ATOSA: variants seen among roughly 807,000 people sequenced by gnomAD.
ATOSA encodes the protein atos homolog protein A.
chr15:52,601,308 C>A, the ATOSA span: 2 of 564,110 alleles, frequency 3.5e-6, no homozygotes, highest in Non-Finnish European at 6.3e-6. Flanking sequence ...TAAAATCATG[C>A]TGTTCATTAC....
the ATOSA span, among the ~76,000 whole-genome samples, chr15:52,655,216 T>C: frequency 1.3e-5 from 2 of 152,300 alleles, no homozygotes; most frequent in South Asian, 2.1e-4. Context: ...AAGGCAAATA[T>C]GGCATTACAC....
At chr15:52,592,685 A>T in the ATOSA span, among the ~76,000 whole-genome samples, 1 of 152,338 alleles carries the variant, frequency 6.6e-6, no homozygotes, top group South Asian at 2.1e-4. Flanking sequence ...CACACAAAAA[A>T]ATCTCATAAT....
At chr15:52,701,166 T>C in the ATOSA span, among the ~76,000 whole-genome samples, 1 of 152,054 alleles carries the variant, frequency 6.6e-6, no homozygotes, top group African/African-American at 2.4e-5. Context: ...TGAAATAGAA[T>C]AGAAAAAGAA....
chr15:52,670,353 C>G, the ATOSA span, among the ~76,000 whole-genome samples: 1 of 152,166 alleles, frequency 6.6e-6, no homozygotes, highest in Non-Finnish European at 1.5e-5. Context: ...TCTCAGTTTA[C>G]CTTTCCCACA....
At chr15:52,659,283 T>A in the ATOSA span, among the ~76,000 whole-genome samples, 3 of 152,260 alleles carry the variant, frequency 2.0e-5, no homozygotes, top group Non-Finnish European at 4.4e-5. Context: ...TGCTTGGTTA[T>A]ACTTGTTTCA....
At chr15:52,582,264 C>G in the ATOSA span, 1 of 1,600,868 alleles carries the variant, frequency 6.2e-7, no homozygotes. Context: ...AGGAGCCGTA[C>G]GTCTCTATGG....
the ATOSA span, among the ~76,000 whole-genome samples, chr15:52,629,119 T>TG: frequency 2.6e-5 from 4 of 152,238 alleles, no homozygotes; most frequent in African/African-American, 9.6e-5. Context: ...AGTCATTTTT[T>TG]GTGGAGTTAA....
At chr15:52,644,496 A>T in the ATOSA span, among the ~76,000 whole-genome samples, 271 of 152,300 alleles carry the variant, frequency 1.8e-3, 1 homozygote, top group East Asian at 0.025. Context: ...CTTTATGAGA[A>T]TTAAGACCAA....
the ATOSA span, chr15:52,593,719 A>G: frequency 3.9e-6 from 6 of 1,554,184 alleles, no homozygotes; most frequent in African/African-American, 6.8e-5. Context: ...GATCGAAACG[A>G]TAGTTCAAGA....
At chr15:52,663,760 T>C in the ATOSA span, among the ~76,000 whole-genome samples, 9 of 152,272 alleles carry the variant, frequency 5.9e-5, no homozygotes, top group South Asian at 1.7e-3. Flanking sequence ...GCTGGGACTA[T>C]AGGCATGCCT....
the ATOSA span, among the ~76,000 whole-genome samples, chr15:52,624,094 A>G: frequency 6.6e-6 from 1 of 152,150 alleles, no homozygotes; most frequent in Non-Finnish European, 1.5e-5. Flanking sequence ...GGTTCTTATT[A>G]TTTTATACCT....
the ATOSA span, among the ~76,000 whole-genome samples, chr15:52,601,490 A>AT: frequency 2.0e-5 from 3 of 149,212 alleles, no homozygotes; most frequent in African/African-American, 4.9e-5. Context: ...ATACTTCTCT[A>AT]TTTTTTTGGG....
the ATOSA span, chr15:52,651,943 T>C: frequency 1.3e-6 from 2 of 1,535,150 alleles, no homozygotes; most frequent in Non-Finnish European, 1.7e-6. Context: ...GCCTTCTGGC[T>C]ATCAATAGCT....
chr15:52,625,626 T>A, the ATOSA span, among the ~76,000 whole-genome samples: 1 of 152,038 alleles, frequency 6.6e-6, no homozygotes, highest in Admixed American at 6.6e-5. Context: ...CAAGTATCTC[T>A]GCTCTGCATC....
At chr15:52,626,498 G>A in the ATOSA span, among the ~76,000 whole-genome samples, 1 of 146,322 alleles carries the variant, frequency 6.8e-6, no homozygotes, top group Non-Finnish European at 1.5e-5. Context: ...GAAATAAGCA[G>A]CTTCTGTGGG....
chr15:52,613,267 G>A, the ATOSA span, among the ~76,000 whole-genome samples: 2 of 152,256 alleles, frequency 1.3e-5, no homozygotes, highest in African/African-American at 2.4e-5. Flanking sequence ...TCAGGAGGCT[G>A]AGACAGAAGA....
At chr15:52,636,870 A>G in the ATOSA span, among the ~76,000 whole-genome samples, 10 of 152,226 alleles carry the variant, frequency 6.6e-5, no homozygotes, top group Non-Finnish European at 1.2e-4. Context: ...AGTAACAGGA[A>G]TAAACTGGGG....
chr15:52,626,036 A>C, the ATOSA span, among the ~76,000 whole-genome samples: 20 of 152,356 alleles, frequency 1.3e-4, no homozygotes, highest in South Asian at 2.9e-3. Context: ...TGTAACTTTT[A>C]GAATGCTGCA....
chr15:52,675,301 A>G, the ATOSA span, among the ~76,000 whole-genome samples: 1 of 152,260 alleles, frequency 6.6e-6, no homozygotes, highest in East Asian at 1.9e-4. Context: ...ATTGGCTATC[A>G]GTTTGTTTTT....
Sources: allele counts gnomAD v4.1 joint callset (sites outside exome capture counted in the v4.1 genomes callset), GRCh38; gene constraint gnomAD v4.1.1; transcripts MANE v1.5; gene names NCBI Gene and HGNC (gene_info 2026-07-23, HGNC 2026-07-21).